Variants in LRRK1 observed in about 807,000 individuals in gnomAD.
The protein encoded by LRRK1 is leucine rich repeat kinase 1.
In LRRK1, 113 loss-of-function variants were observed where a neutral mutation model predicts 209.1. The ratio of observed to expected loss-of-function variants is 0.54; its 90% CI spans 0.46 to 0.63. LRRK1 has a LOEUF of 0.63. Among genes scored for constraint, LRRK1 ranks in the 30% least tolerant of loss-of-function variants. The pLI is 0.00. For synonymous variants in LRRK1, 1,144 were observed against 1,099.7 expected (o/e 1.04, Z -0.80); for missense variants, 2,284 against 2,632.2 (o/e 0.87, Z 2.89).
intron 33 of LRRK1, 127 bp from the exon 34 acceptor site, chr15:101,068,544 C>A: frequency 3.1e-6 from 3 of 954,914 alleles, no homozygotes; most frequent in Non-Finnish European, 4.6e-6. Context: ...CCAGAGAGGG[C>A]TGGCAAGCAG....
At chr15:100,952,286 G>T (rs950826275) in intron 2 of LRRK1, among the ~76,000 whole-genome samples, 4 of 152,274 alleles carry the variant, frequency 2.6e-5, no homozygotes, top group Non-Finnish European at 5.9e-5. Context: ...CCACTGAATT[G>T]TACACTTTTA....
At chr15:101,049,322 G>C (rs933164913) in intron 22 of LRRK1, 9 of 256,210 alleles carry the variant, frequency 3.5e-5, no homozygotes, top group Non-Finnish European at 6.6e-5. Context: ...TTAAGGCCCA[G>C]GGTTGCTGCT....
rs751486842 is a variant in LRRK1 at position 101,061,249 on chromosome 15, C to T, written c.4758C>T (p.Cys1586=). 2.5e-6 allele frequency: 4 copies of T among 1,613,934 alleles called. No individual in the cohort carries two copies. Among genetic ancestry groups the T allele is most frequent in the Non-Finnish European group, 2.5e-6 (3 of 1,179,930 alleles). The change falls in exon 30 of 34, where the codon TGC becomes TGT. Residue 1586 remains cysteine, a synonymous_variant. Coordinates refer to ENST00000388948, the MANE Select transcript of LRRK1 (RefSeq NM_024652.6). ...GCTGCCCTGGGATGAAGGTGAGCTG[C>T]CAGCTCCAGGTCCAGAGATCCCTGT... ...RMCCPGMKVS[C]QLQVQRSLWT... is the part of the protein sequence containing the mutation.
chr15:100,973,685 C>G (rs1274099149), intron 2 of LRRK1, 119 bp from the exon 3 acceptor site: 12 of 1,053,444 alleles, frequency 1.1e-5, no homozygotes, highest in Non-Finnish European at 1.5e-5. Context: ...CTCTCTCTTC[C>G]TGAAGCCCCC....
At chr15:101,013,017 A>G (rs534415104) in intron 10 of LRRK1, among the ~76,000 whole-genome samples, 28 of 152,206 alleles carry the variant, frequency 1.8e-4, no homozygotes, top group Admixed American at 1.5e-3. Flanking sequence ...ACCAACAACT[A>G]GCAGGCTTGG....
chr15:100,985,715 C>T (rs1238404984), intron 4 of LRRK1, among the ~76,000 whole-genome samples: 1 of 152,352 alleles, frequency 6.6e-6, no homozygotes, highest in African/African-American at 2.4e-5. Flanking sequence ...CTCCCAGGAG[C>T]ATCGTATCTT....
intron 6 of LRRK1, among the ~76,000 whole-genome samples, chr15:101,000,462 ACAAAGCACC>A (rs2032629748): frequency 6.6e-6 from 1 of 152,198 alleles, no homozygotes; most frequent in Non-Finnish European, 1.5e-5. Context: ...AACTGCTGTA[ACAAAGCACC>A]CAAAACTGGG....
At chr15:101,062,826 G>C (rs1425874260) in intron 31 of LRRK1, 136 bp downstream of exon 31, 3 of 700,790 alleles carry the variant, frequency 4.3e-6, no homozygotes, top group African/African-American at 3.5e-5. Flanking sequence ...ACTTAGAGAC[G>C]GTGGGAGGAA....
In LRRK1 at chr15:101,044,653, G is replaced by A. The variant is rs964944785; in HGVS notation, c.2964-1328G>A. ...TGGAGCACCTCTTCTGTGTGCCACC[G>A]CACATCGTGCTGGGACGCCTGGGGA... On this transcript the variant is annotated intron_variant, in intron 20 of 33. Transcript: ENST00000388948. Among the ~76,000 whole-genome samples, 9 of 152,326 alleles carry A rather than the reference G, an allele frequency of 5.9e-5. No homozygotes were observed. The South Asian group carries it at 8.3e-4, about 14-fold the overall frequency.
intron 2 of LRRK1, among the ~76,000 whole-genome samples, chr15:100,953,897 TTTTG>T (rs570626120): frequency 0.011 from 1,692 of 152,126 alleles, 30 homozygotes; most frequent in African/African-American, 0.039. Context: ...ACATAGGTTT[TTTTG>T]TTTGTTTGTT....
rs975198869 is a variant in LRRK1 at position 101,013,047 on chromosome 15, G to T, written c.1419+902G>T. On this transcript the variant is annotated intron_variant, in intron 10 of 33. Coordinates refer to ENST00000388948, the MANE Select transcript of LRRK1 (RefSeq NM_024652.6). ...GCTTGGATTTTTGGCTTCCCCCAAAGCCCAGAAGCAGCAAATCAGGAGAGG... is the reference window on the plus strand; with the variant it reads ...GCTTGGATTTTTGGCTTCCCCCAAATCCCAGAAGCAGCAAATCAGGAGAGG... Among the ~76,000 whole-genome samples, 9 of 152,272 alleles carry T rather than the reference G, an allele frequency of 5.9e-5. No individual in the cohort carries two copies. In the East Asian group the frequency reaches 7.7e-4, roughly 13 times the overall value.
At position 101,077,869 on chromosome 15, in the gene LRRK1, C is replaced by G. The variant is rs996034212; in HGVS notation, c.*9021C>G. The G allele has an allele frequency of 6.6e-6, 1 of 152,212 alleles. No homozygotes were observed. The highest frequency in any genetic ancestry group is 2.4e-5 in the African/African-American group (1 of 41,424). 9.4% of individuals were successfully genotyped at this position (152,212 alleles called of 1,614,324 possible). A position where few individuals can be genotyped will look rare whatever the true frequency, so the allele number is the denominator to read the frequency against. On this transcript the variant is annotated 3_prime_UTR_variant, in exon 34 of 34. Transcript: ENST00000388948. Reference sequence around the variant, plus strand: ...GGCCTCTGAGCCCAAGCTAAGCCATCGCATCCCCTGTGACCTGCACGCATA... The same window carrying G: ...GGCCTCTGAGCCCAAGCTAAGCCATGGCATCCCCTGTGACCTGCACGCATA...
At chr15:100,929,053 G>C (rs112640794) in intron 2 of LRRK1, among the ~76,000 whole-genome samples, 1 of 152,186 alleles carries the variant, frequency 6.6e-6, no homozygotes, top group South Asian at 2.1e-4. Flanking sequence ...GCTGCAGGAC[G>C]CGCATTACTT....
chr15:100,974,255 A>C, intron 3 of LRRK1: 1 of 323,818 alleles, frequency 3.1e-6, no homozygotes, highest in East Asian at 4.7e-5. Flanking sequence ...GGCTTAACCT[A>C]CTCTATTCTT....
chr15:101,041,425 T>G, intron 20 of LRRK1, among the ~76,000 whole-genome samples: 1 of 152,246 alleles, frequency 6.6e-6, no homozygotes, highest in East Asian at 1.9e-4. Context: ...TTATACCATC[T>G]GATTTTGTTA....
In LRRK1 at chr15:101,011,989, T is replaced by TC; in HGVS notation, c.1282-19_1282-18insC. On this transcript the variant is annotated intron_variant, in intron 9 of 33. Coordinates refer to ENST00000388948, the MANE Select transcript of LRRK1 (RefSeq NM_024652.6). ...AAGAGCTAACTAATATACATTTTTTTTTCTCGTCAATCTCTTAGAAATGTT... is the reference window on the plus strand; with the variant it reads ...AAGAGCTAACTAATATACATTTTTTTCTTCTCGTCAATCTCTTAGAAATGTT... The TC allele has an allele frequency of 6.4e-7, 1 of 1,572,006 alleles. No homozygotes were observed. The highest frequency in any genetic ancestry group is 2.2e-5 in the East Asian group (1 of 44,570).
intron 2 of LRRK1, among the ~76,000 whole-genome samples, chr15:100,966,215 A>T (rs960235011): frequency 6.6e-6 from 1 of 152,238 alleles, no homozygotes; most frequent in African/African-American, 2.4e-5. Flanking sequence ...ATGACTAAAT[A>T]AGTATTATCT....
rs112212384 is a variant in LRRK1 at position 101,000,514 on chromosome 15, G to C, written c.763-8323G>C. Among the ~76,000 whole-genome samples the C allele has an allele frequency of 9.9e-5, 15 of 152,254 alleles. 1 individual carries two copies. The highest frequency in any genetic ancestry group is 3.6e-4 in the African/African-American group (15 of 41,552). On this transcript the variant is annotated intron_variant, in intron 6 of 33. Transcript: ENST00000388948. ...ACACAACAGAAATGTATTCTCTCAC[G>C]GTCCTGGAGGTCAGCAGTCCACGGT...
intron 2 of LRRK1, among the ~76,000 whole-genome samples, chr15:100,936,587 G>T (rs2042304166): frequency 6.6e-6 from 1 of 152,360 alleles, no homozygotes; most frequent in East Asian, 1.9e-4. Flanking sequence ...GCTGGATGGG[G>T]CTGGGTTCTA....
Sources: allele counts gnomAD v4.1 joint callset (sites outside exome capture counted in the v4.1 genomes callset), GRCh38; gene constraint gnomAD v4.1.1; transcripts MANE v1.5; gene names NCBI Gene and HGNC (gene_info 2026-07-23, HGNC 2026-07-21).